SDK1: variants seen among roughly 807,000 people sequenced by gnomAD.
SDK1 encodes the protein protein sidekick-1.
Under a neutral mutation model 245.5 loss-of-function variants are expected in SDK1, and 157 were observed. That is an observed-to-expected ratio of 0.64 (90% CI 0.56 to 0.73). The LOEUF is 0.73. SDK1 is among the 30% of genes least tolerant of loss of function. The probability of loss-of-function intolerance (pLI) is 0.00; values close to 1 mark genes in which losing one functional copy is unlikely to be tolerated. For missense variants in SDK1, 3,583 were observed against 3,002.3 expected (o/e 1.19, Z -4.52); for synonymous variants, 1,647 against 1,278.5 (o/e 1.29, Z -6.15).
At chr7:4,090,687 T>C (rs899745543) in intron 22 of SDK1, among the ~76,000 whole-genome samples, 5 of 152,214 alleles carry the variant, frequency 3.3e-5, no homozygotes, top group Admixed American at 6.5e-5. Flanking sequence ...CCAGGGAACC[T>C]TGGGTTAGTG....
At chr7:3,624,946 G>A (rs917425872) in intron 2 of SDK1, among the ~76,000 whole-genome samples, 1 of 152,126 alleles carries the variant, frequency 6.6e-6, no homozygotes, top group African/African-American at 2.4e-5. Flanking sequence ...TCGGGAGGCA[G>A]GAGAATCCCT....
intron 5 of SDK1, among the ~76,000 whole-genome samples, chr7:3,916,204 G>A (rs1382508636): frequency 6.6e-6 from 1 of 152,304 alleles, no homozygotes; most frequent in Non-Finnish European, 1.5e-5. Flanking sequence ...TTCCTGTGAA[G>A]CCCTGACCAG....
At chr7:3,584,309 C>T (rs1361048822) in intron 1 of SDK1, among the ~76,000 whole-genome samples, 3 of 152,130 alleles carry the variant, frequency 2.0e-5, no homozygotes, top group Non-Finnish European at 4.4e-5. Flanking sequence ...TTTGGATTTC[C>T]TTGGCTTCCT....
intron 1 of SDK1, among the ~76,000 whole-genome samples, chr7:3,587,516 A>G (rs567616182): frequency 3.3e-5 from 5 of 152,276 alleles, no homozygotes; most frequent in African/African-American, 1.2e-4. Context: ...TGCCAAGTAC[A>G]GGAGAAGATT....
chr7:4,062,848 C>G (rs1159614984), intron 19 of SDK1, among the ~76,000 whole-genome samples: 1 of 152,100 alleles, frequency 6.6e-6, no homozygotes, highest in Non-Finnish European at 1.5e-5. Flanking sequence ...TAATAAAAGA[C>G]AAAAACCATG....
At chr7:4,142,536 T>C (rs1055051722) in intron 28 of SDK1, among the ~76,000 whole-genome samples, 1 of 151,942 alleles carries the variant, frequency 6.6e-6, no homozygotes, top group African/African-American at 2.4e-5. Context: ...ACCATTTTGG[T>C]CAGGCTGGCC....
intron 4 of SDK1, among the ~76,000 whole-genome samples, chr7:3,702,654 A>T (rs1308195500): frequency 2.0e-5 from 3 of 152,230 alleles, no homozygotes; most frequent in Non-Finnish European, 4.4e-5. Flanking sequence ...GAGATGCCTC[A>T]TGACCCGAGA....
At chr7:3,744,954 A>G (rs978110149) in intron 4 of SDK1, among the ~76,000 whole-genome samples, 2 of 152,220 alleles carry the variant, frequency 1.3e-5, no homozygotes, top group African/African-American at 4.8e-5. Flanking sequence ...ACGAAGGCCA[A>G]ATCTCCTGTG....
intron 28 of SDK1, among the ~76,000 whole-genome samples, chr7:4,145,357 G>A (rs1229247919): frequency 6.6e-6 from 1 of 152,158 alleles, no homozygotes; most frequent in Non-Finnish European, 1.5e-5. Flanking sequence ...GCGACGGGGA[G>A]AGCCAGACTG....
chr7:3,515,204 C>G (rs979943355), intron 1 of SDK1, among the ~76,000 whole-genome samples: 2 of 152,130 alleles, frequency 1.3e-5, no homozygotes, highest in African/African-American at 4.8e-5. Context: ...GGCTGTGCAA[C>G]TGAATACTGA....
intron 1 of SDK1, among the ~76,000 whole-genome samples, chr7:3,540,736 T>A (rs992867118): frequency 2.0e-4 from 31 of 152,324 alleles, no homozygotes; most frequent in Non-Finnish European, 3.1e-4. Flanking sequence ...CTTTTAAAGT[T>A]GTTTCCATAA....
intron 4 of SDK1, among the ~76,000 whole-genome samples, chr7:3,672,220 A>G (rs1382834761): frequency 6.6e-6 from 1 of 151,912 alleles, no homozygotes; most frequent in African/African-American, 2.4e-5. Flanking sequence ...TGCTGGTGAG[A>G]ATGAAAACAT....
chr7:4,215,275 G>C (rs894564546), intron 38 of SDK1, among the ~76,000 whole-genome samples: 1 of 152,242 alleles, frequency 6.6e-6, no homozygotes, highest in Non-Finnish European at 1.5e-5. Flanking sequence ...CCCAATTGGT[G>C]GGTGGTGAAG....
At chr7:3,338,534 A>G in intron 1 of SDK1, 1 of 415,890 alleles carries the variant, frequency 2.4e-6, no homozygotes. Context: ...AGAGAAGCAC[A>G]CTTTGTGAGA....
At chr7:4,091,542 C>T (rs1028360692) in intron 22 of SDK1, among the ~76,000 whole-genome samples, 5 of 151,820 alleles carry the variant, frequency 3.3e-5, no homozygotes, top group African/African-American at 1.2e-4. Flanking sequence ...GGGGTTTTAC[C>T]ATGTTGGCCA....
chr7:3,323,531 C>T (rs1422175233), intron 1 of SDK1, among the ~76,000 whole-genome samples: 1 of 152,184 alleles, frequency 6.6e-6, no homozygotes, highest in Non-Finnish European at 1.5e-5. Flanking sequence ...AGGACTGAGG[C>T]TCCTGTTTTC....
At chr7:4,049,912 A>T (rs1209863552) in intron 18 of SDK1, among the ~76,000 whole-genome samples, 2 of 152,178 alleles carry the variant, frequency 1.3e-5, no homozygotes, top group Admixed American at 6.5e-5. Context: ...TAAAGAACTG[A>T]GACCAGTTGA....
chr7:4,141,666 C>T (rs926069091), intron 28 of SDK1, among the ~76,000 whole-genome samples: 5 of 152,212 alleles, frequency 3.3e-5, no homozygotes, highest in African/African-American at 9.6e-5. Flanking sequence ...ATCGGGGATG[C>T]TGGGGAAGGC....
In SDK1 at chr7:3,974,450, C is replaced by T. The variant is rs759620953; in HGVS notation, c.1899C>T (p.Leu633=). 6.2e-7 allele frequency: 1 copy of T among 1,614,118 alleles called. No homozygotes were observed. Among genetic ancestry groups the T allele is most frequent in the Non-Finnish European group, 8.5e-7 (1 of 1,180,012 alleles). ...TGGTGGAGAAGGACGGGTCCCTTCT[C>T]ATCAGCCAGACGTGGTCAGGCGACA... is the stretch of plus-strand genomic sequence containing the variant. ...RIVVEKDGSL[L]ISQTWSGDIG... The change falls in exon 13 of 45, where the codon CTC becomes CTT. Residue 633 remains leucine, a synonymous_variant. Coordinates refer to ENST00000404826, the MANE Select transcript of SDK1 (RefSeq NM_152744.4).
Sources: gnomAD v4.1 joint callset for allele counts (sites outside exome capture counted in the v4.1 genomes callset) on GRCh38, gnomAD v4.1.1 for gene constraint, MANE v1.5 for transcripts, NCBI Gene and HGNC (gene_info 2026-07-23, HGNC 2026-07-21) for gene names.